Variants in ABLIM2 observed in about 807,000 individuals in gnomAD.
The protein encoded by ABLIM2 is actin-binding LIM protein 2.
In ABLIM2, 53 loss-of-function variants were observed where a neutral mutation model predicts 97.7. The ratio of observed to expected loss-of-function variants is 0.54; its 90% CI spans 0.44 to 0.68. The LOEUF is 0.68. ABLIM2 is among the 30% of genes least tolerant of loss of function. The probability of loss-of-function intolerance (pLI) is 0.00; values close to 1 mark genes in which losing one functional copy is unlikely to be tolerated. For synonymous variants in ABLIM2, 361 were observed against 345.8 expected (o/e 1.04, Z -0.49); for missense variants, 835 against 867.2 (o/e 0.96, Z 0.47).
At chr4:8,141,288 A>G (rs573876846) in intron 1 of ABLIM2, among the ~76,000 whole-genome samples, 5 of 152,284 alleles carry the variant, frequency 3.3e-5, no homozygotes, top group African/African-American at 1.2e-4. Context: ...AACAAAAGCT[A>G]TAATCTTATG....
intron 7 of ABLIM2, among the ~76,000 whole-genome samples, chr4:8,060,725 C>T (rs1034005188): frequency 2.6e-5 from 4 of 152,162 alleles, no homozygotes; most frequent in African/African-American, 9.6e-5. Context: ...GTCTTTGGCT[C>T]GGCCCTTTTC....
rs1332603951 is a variant in ABLIM2 at position 8,149,239 on chromosome 4, C to A, written c.10+9441G>T. ...CCTCCCGTTAGCGAGAAGCCTCAGG[C>A]CCCCTGAAATCCAGAGCAGTCTCCC... On this transcript the variant is annotated intron_variant, in intron 1 of 20. Transcript: ENST00000447017. The surrounding 1 kb of genome is among the most constrained non-coding windows in gnomAD (Gnocchi z 6.4). Among the ~76,000 whole-genome samples, 1 of 152,198 alleles carries A rather than the reference C, an allele frequency of 6.6e-6. No individual in the cohort carries two copies. Among genetic ancestry groups the A allele is most frequent in the African/African-American group, 2.4e-5 (1 of 41,446 alleles).
At chr4:8,000,175 G>C (rs1756113186) in intron 16 of ABLIM2, among the ~76,000 whole-genome samples, 1 of 152,138 alleles carries the variant, frequency 6.6e-6, no homozygotes, top group Non-Finnish European at 1.5e-5. Context: ...TCCCTGAGCA[G>C]TGGTGAATGA....
At chr4:8,154,881 C>A (rs559839700) in intron 1 of ABLIM2, among the ~76,000 whole-genome samples, 1 of 152,210 alleles carries the variant, frequency 6.6e-6, no homozygotes, top group Non-Finnish European at 1.5e-5. Context: ...AGGGAGGCCT[C>A]GCAATCATGG....
Position 8,021,303 on chromosome 4 carries a change from C to G in ABLIM2, c.1268-1000G>C, listed in dbSNP as rs905728404. The stretch of plus-strand genomic sequence containing the variant: ...TCACGCATCCAGAGGGCCGAGGTGA[C>G]CTGGGTGACGCCCCTCCCCCCACAC... On this transcript the variant is annotated intron_variant, in intron 12 of 20. Transcript: ENST00000447017. This position sits in a 1 kb window ranked among gnomAD's most constrained non-coding sequence, Gnocchi z 5.5. 6.6e-6 allele frequency among the ~76,000 whole-genome samples: 1 copy of G among 152,172 alleles called. No homozygotes were observed. Among genetic ancestry groups the G allele is most frequent in the African/African-American group, 2.4e-5 (1 of 41,424 alleles).
rs948108473 is a variant in ABLIM2 at position 8,044,986 on chromosome 4, C to T, written c.900+178G>A. The stretch of plus-strand genomic sequence containing the variant: ...CAAACAAACATGTCTGTGTTTCAGA[C>T]TCATAAAGCCTGTACCAACCTCCAC... On this transcript the variant is annotated intron_variant, in intron 9 of 20. Transcript: ENST00000447017. This position sits in a 1 kb window ranked among gnomAD's most constrained non-coding sequence, Gnocchi z 4.4. Among the ~76,000 whole-genome samples the T allele has an allele frequency of 6.6e-6, 1 of 152,202 alleles. No homozygotes were observed. Among genetic ancestry groups the T allele is most frequent in the Non-Finnish European group, 1.5e-5 (1 of 68,044 alleles).
chr4:8,051,381 TAC>T lies in ABLIM2; in HGVS notation c.822+2805_822+2806del, dbSNP rs1795948983. On this transcript the variant is annotated intron_variant, in intron 8 of 20. Transcript: ENST00000447017. The stretch of plus-strand genomic sequence containing the variant: ...GGTCAACATAATGAAACCCTGTCTC[TAC>T]TAAAAAAAAAAGAAAATACAAAAAT... 2.4e-4 allele frequency among the ~76,000 whole-genome samples: 14 copies of T among 59,454 alleles called. 1 individual carries two copies. The highest frequency in any genetic ancestry group is 7.8e-3 in the Middle Eastern group (1 of 128). The allele number at this position is 59,454 out of a possible 152,430, so 39.0% of individuals were successfully genotyped here. A position where few individuals can be genotyped will look rare whatever the true frequency, so the allele number is the denominator to read the frequency against.
In ABLIM2 at chr4:7,973,332, C is replaced by G. The variant is rs566049086; in HGVS notation, c.1825-6229G>C. ...CCTGGCCAACATGGCAAAACCCCGT[C>G]TCTACTAAAAATACAAAAATTAACC... On this transcript the variant is annotated intron_variant, in intron 20 of 20. Transcript: ENST00000447017. 1.5e-4 allele frequency among the ~76,000 whole-genome samples: 23 copies of G among 151,914 alleles called. No individual in the cohort carries two copies. The South Asian group carries it at 4.6e-3, about 30-fold the overall frequency.
intron 20 of ABLIM2, among the ~76,000 whole-genome samples, chr4:7,968,993 A>G (rs542089038): frequency 1.4e-3 from 216 of 151,986 alleles, no homozygotes; most frequent in Non-Finnish European, 2.2e-3. Flanking sequence ...TTAGCCAGGC[A>G]TGGTGGCACA....
In ABLIM2 at chr4:8,044,929, T is replaced by C. The variant is rs1254304641; in HGVS notation, c.900+235A>G. 6.6e-6 allele frequency among the ~76,000 whole-genome samples: 1 copy of C among 152,200 alleles called. No individual in the cohort carries two copies. Among genetic ancestry groups the C allele is most frequent in the Non-Finnish European group, 1.5e-5 (1 of 68,034 alleles). On this transcript the variant is annotated intron_variant, in intron 9 of 20. Transcript: ENST00000447017. The surrounding 1 kb of genome is among the most constrained non-coding windows in gnomAD (Gnocchi z 4.4). Reference sequence around the variant, plus strand: ...CTGTGTGGCTCTTGTCACCAGATAATTGGGGACAGGTTCCCAGGGGAATTG... The same window carrying C: ...CTGTGTGGCTCTTGTCACCAGATAACTGGGGACAGGTTCCCAGGGGAATTG...
chr4:8,030,161 A>G (rs1779984197), intron 10 of ABLIM2, among the ~76,000 whole-genome samples: 1 of 152,144 alleles, frequency 6.6e-6, no homozygotes, highest in Admixed American at 6.5e-5. Context: ...CCCAGTCCCT[A>G]TGGGGGTTTC....
intron 6 of ABLIM2, chr4:8,066,380 A>T (rs866827770): frequency 1.3e-5 from 1 of 78,438 alleles, no homozygotes; most frequent in African/African-American, 4.0e-5. Flanking sequence ...GAAGGAAGGA[A>T]GGAAGGAAGG....
intron 10 of ABLIM2, among the ~76,000 whole-genome samples, chr4:8,034,864 G>A (rs551543465): frequency 5.4e-4 from 57 of 105,410 alleles, no homozygotes; most frequent in African/African-American, 2.1e-3. Flanking sequence ...GGTGGTGGGT[G>A]GTAGGTGGGT....
At chr4:8,100,390 TCA>T (rs1356221832) in intron 2 of ABLIM2, among the ~76,000 whole-genome samples, 1 of 152,128 alleles carries the variant, frequency 6.6e-6, no homozygotes, top group Non-Finnish European at 1.5e-5. Flanking sequence ...TCTCTGAACC[TCA>T]GAGTCCTCAT....
intron 20 of ABLIM2, among the ~76,000 whole-genome samples, chr4:7,977,078 T>C (rs958802542): frequency 2.0e-5 from 3 of 152,054 alleles, no homozygotes; most frequent in African/African-American, 7.3e-5. Flanking sequence ...GGGAGGTGAT[T>C]GGGTCCTGGG....
intron 7 of ABLIM2, among the ~76,000 whole-genome samples, chr4:8,055,634 T>C (rs1204327182): frequency 3.3e-5 from 5 of 152,250 alleles, no homozygotes; most frequent in Admixed American, 6.5e-5. Flanking sequence ...AAAGTGTGTG[T>C]GCAATGAGGG....
rs143377737 is a variant in ABLIM2 at position 8,088,658 on chromosome 4, A to G, written c.339-374T>C. 1.1e-4 allele frequency among the ~76,000 whole-genome samples: 16 copies of G among 152,328 alleles called. No individual in the cohort carries two copies. In the East Asian group the frequency reaches 2.9e-3, roughly 28 times the overall value. ...CCCAGTCACATGGGATGCTTTCTTCATATCAGCTCAGCAGCAAGGACAGCA... is the reference window on the plus strand; with the variant it reads ...CCCAGTCACATGGGATGCTTTCTTCGTATCAGCTCAGCAGCAAGGACAGCA... On this transcript the variant is annotated intron_variant, in intron 3 of 20. Transcript: ENST00000447017.
In ABLIM2 at chr4:8,127,565, C is replaced by A. The variant is rs1481388318; in HGVS notation, c.11-20928G>T. 7.8e-7 allele frequency: 1 copy of A among 1,289,750 alleles called. No homozygotes were observed. The highest frequency in any genetic ancestry group is 1.2e-5 in the South Asian group (1 of 81,030). The allele number at this position is 1,289,750 out of a possible 1,614,324, so 79.9% of individuals were successfully genotyped here. A position where few individuals can be genotyped will look rare whatever the true frequency, so the allele number is the denominator to read the frequency against. ...GATTTACCTGTGTCTCCCCCTGGCA[C>A]CCCCATGGAGCGTGGCTGCTTGCAA... On this transcript the variant is annotated intron_variant, in intron 1 of 20. Transcript: ENST00000447017. The surrounding 1 kb of genome is among the most constrained non-coding windows in gnomAD (Gnocchi z 7.3).
chr4:8,146,066 T>C (rs1003254549), intron 1 of ABLIM2, among the ~76,000 whole-genome samples: 18 of 152,334 alleles, frequency 1.2e-4, no homozygotes, highest in Non-Finnish European at 1.2e-4. Context: ...TTTTCTGAGA[T>C]GTTTTTCTGC....
Sources: allele counts gnomAD v4.1 joint callset (sites outside exome capture counted in the v4.1 genomes callset), GRCh38; gene constraint gnomAD v4.1.1; non-coding constraint Gnocchi (gnomAD v3.1); transcripts MANE v1.5; gene names NCBI Gene and HGNC (gene_info 2026-07-23, HGNC 2026-07-21).